Variants in PER1 observed in about 807,000 individuals in gnomAD.
The protein encoded by PER1 is period circadian protein homolog 1.
PER1 carries 87 observed loss-of-function variants against 125.9 expected under a neutral mutation model. The observed-to-expected ratio is 0.69, with a 90% confidence interval of 0.58 to 0.83. The LOEUF (loss-of-function observed/expected upper bound fraction) is 0.83. Ranked by LOEUF, PER1 falls within the 40% of genes least tolerant of loss-of-function variation. PER1 has a pLI of 0.00. For missense variants in PER1, 1,775 were observed against 1,722.8 expected (o/e 1.03, Z -0.54); for synonymous variants, 801 against 714.7 (o/e 1.12, Z -1.93).
intron 16 of PER1, 22 bp from the exon 17 acceptor site, chr17:8,146,159 G>A (rs1011453878): frequency 1.3e-6 from 2 of 1,569,576 alleles, no homozygotes; most frequent in South Asian, 1.2e-5. Context: ...GATGGTGCCA[G>A]TTACCATCCC....
At chr17:8,142,980 G>T in intron 19 of PER1, 145 bp from the exon 20 acceptor site, 1 of 670,484 alleles carries the variant, frequency 1.5e-6, no homozygotes, top group Non-Finnish European at 2.5e-6. Context: ...CAGGCTGAGA[G>T]AGAAGAAAGC....
intron 18 of PER1, 192 bp from the exon 19 acceptor site, chr17:8,144,068 G>A (rs760390929): frequency 1.1e-4 from 93 of 846,272 alleles, no homozygotes; most frequent in Non-Finnish European, 1.4e-4. Context: ...AGGGACAAGG[G>A]GATTTATTGA....
chr17:8,150,762 C>T lies in PER1; in HGVS notation c.-56G>A, dbSNP rs1982812008. The T allele has an allele frequency of 4.8e-6, 7 of 1,465,750 alleles. No homozygotes were observed. The highest frequency in any genetic ancestry group is 1.4e-5 in the African/African-American group (1 of 70,670). 90.8% of individuals were successfully genotyped at this position (1,465,750 alleles called of 1,614,324 possible). ...AGGCAGAGAGGCCACCACGGATGCA[C>T]GAGGGGGCCTGGAGGCTTGGCTGAG... is the stretch of plus-strand genomic sequence containing the variant. On this transcript the variant is annotated 5_prime_UTR_variant, in exon 2 of 23. In the 5' UTR this introduces an upstream ATG that the reference lacks. Transcript: ENST00000317276.
Position 8,141,874 on chromosome 17 carries a change from C to T in PER1, c.3531G>A (p.Gln1177=). The T allele has an allele frequency of 6.2e-7, 1 of 1,614,196 alleles. No homozygotes were observed. ...QKQQPRFSED[Q]RRELGAVHSW... ...AGTGCACAGCACCCAGTTCCCGCCG[C>T]TGGTCCTCAGAAAACCGAGGCTGCT... is the stretch of plus-strand genomic sequence containing the variant. Residue 1177 remains glutamine, a synonymous_variant, in exon 22 of 23, where the codon CAG becomes CAA. Coordinates refer to ENST00000317276, the MANE Select transcript of PER1 (RefSeq NM_002616.3).
chr17:8,150,210 C>G lies in PER1; in HGVS notation c.374+9G>C. On this transcript the variant is annotated intron_variant, in intron 3 of 22. Coordinates refer to ENST00000317276, the MANE Select transcript of PER1 (RefSeq NM_002616.3). ...CCCCAGACCTCTCCTCCAGCCTCACCCGACGTACCTGCAGCCACTGGTGGA... is the reference window on the plus strand; with the variant it reads ...CCCCAGACCTCTCCTCCAGCCTCACGCGACGTACCTGCAGCCACTGGTGGA... 6.3e-7 allele frequency: 1 copy of G among 1,589,146 alleles called. No individual in the cohort carries two copies.
Position 8,150,711 on chromosome 17 carries a change from G to C in PER1, c.-5C>G. On this transcript the variant is annotated 5_prime_UTR_variant, in exon 2 of 23. Coordinates refer to ENST00000317276, the MANE Select transcript of PER1 (RefSeq NM_002616.3). Reference sequence around the variant, plus strand: ...CCCTTCTAGGGGGCCACTCATGTCTGGGCCATGGGGAGAACAGAACAGAGA... The same window carrying C: ...CCCTTCTAGGGGGCCACTCATGTCTCGGCCATGGGGAGAACAGAACAGAGA... The C allele has an allele frequency of 6.5e-7, 1 of 1,537,800 alleles. No homozygotes were observed.
At chr17:8,151,972 G>A (rs1356383343) in intron 1 of PER1, among the ~76,000 whole-genome samples, 1 of 152,208 alleles carries the variant, frequency 6.6e-6, no homozygotes, top group Non-Finnish European at 1.5e-5. Flanking sequence ...GCCAGGGACT[G>A]GAGAACAGAG....
At position 8,142,779 on chromosome 17, in the gene PER1, G is replaced by A. The variant is rs775157439; in HGVS notation, c.3129C>T (p.Leu1043=). ...QDALSGSSDL[L]ELLLQEDSRS... is the part of the protein sequence containing the mutation. Reference sequence around the variant, plus strand: ...GCGAGTCCTCTTGCAGCAGAAGTTCGAGCAGGTCACTGGAGCCGGAAAGTG... The same window carrying A: ...GCGAGTCCTCTTGCAGCAGAAGTTCAAGCAGGTCACTGGAGCCGGAAAGTG... The change falls in exon 20 of 23, where the codon CTC becomes CTT. Residue 1043 remains leucine, a synonymous_variant. Coordinates refer to ENST00000317276, the MANE Select transcript of PER1 (RefSeq NM_002616.3). 12 of 1,613,346 alleles carry A rather than the reference G, an allele frequency of 7.4e-6. No individual in the cohort carries two copies. The highest frequency in any genetic ancestry group is 1.3e-5 in the African/African-American group (1 of 75,046).
intron 17 of PER1, among the ~76,000 whole-genome samples, 153 bp downstream of exon 17, chr17:8,145,805 G>A (rs533725352): frequency 1.3e-5 from 2 of 152,278 alleles, no homozygotes. Flanking sequence ...GCCTGGCAGG[G>A]AGGGGAGAGC....
At chr17:8,148,361 G>A in intron 8 of PER1, 102 bp from the exon 9 acceptor site, 1 of 1,011,422 alleles carries the variant, frequency 9.9e-7, no homozygotes, top group Non-Finnish European at 1.5e-6. Context: ...CTGCCACACA[G>A]CTCTGCCCCG....
At position 8,149,506 on chromosome 17, in the gene PER1, G is replaced by A; in HGVS notation, c.809C>T (p.Thr270Ile). 3 of 1,613,862 alleles carry A rather than the reference G, an allele frequency of 1.9e-6. No homozygotes were observed. The highest frequency in any genetic ancestry group is 2.5e-6 in the Non-Finnish European group (3 of 1,179,982). Reference protein sequence around the residue: ...PQDVGVFYGSTAPSRLPTWGT... With the variant: ...PQDVGVFYGSIAPSRLPTWGT... The stretch of plus-strand genomic sequence containing the variant: ...CCAGGTGGGCAGGCGAGATGGAGCA[G>A]TGGAACCATAGAAGACTCCCACATC... The change falls in exon 6 of 23, where the codon ACT (threonine) becomes ATT (isoleucine). Residue 270 changes from threonine (T) to isoleucine (I), a missense_variant. Thr to Ile is a moderately conservative substitution (Grantham distance 89). Transcript: ENST00000317276.
chr17:8,145,324 C>CTTTTTTTTTTTTTTTTTTT (rs398030276), intron 17 of PER1, among the ~76,000 whole-genome samples: 1 of 125,518 alleles, frequency 8.0e-6, no homozygotes, highest in Non-Finnish European at 1.6e-5. Context: ...TTTCTTGTTT[C>CTTTTTTTTTTTTTTTTTTT]TTTTTTTTTT....
chr17:8,143,880 T>C lies in PER1; in HGVS notation c.2462-4A>G. ...GGTGCGGGGCCGTGGTGGCAGCCTG[T>C]GGGGAGAGACTAGGGTTAGCAAGGA... On this transcript the variant is annotated splice_polypyrimidine_tract_variant and splice_region_variant and intron_variant, in intron 18 of 22. Coordinates refer to ENST00000317276, the MANE Select transcript of PER1 (RefSeq NM_002616.3). 6.2e-7 allele frequency: 1 copy of C among 1,604,662 alleles called. No homozygotes were observed. The highest frequency in any genetic ancestry group is 1.1e-5 in the South Asian group (1 of 90,428).
rs977637639 is a variant in PER1, at chr17:8,150,512, T to A, written c.195A>T (p.Ala65=). 6.2e-7 allele frequency: 1 copy of A among 1,614,018 alleles called. No individual in the cohort carries two copies. Among genetic ancestry groups the A allele is most frequent in the Non-Finnish European group, 8.5e-7 (1 of 1,180,002 alleles). Residue 65 remains alanine (A), a synonymous_variant, in exon 2 of 23, where the codon GCA becomes GCT. Transcript: ENST00000317276. The stretch of plus-strand genomic sequence containing the variant: ...AGGAGCTGTGTGAGCTCCGCTGAGA[T>A]GCGCCTCTAGACTCATGCCCGTTGG... ...NESNGHESRG[A]SQRSSHSSSS...
chr17:8,145,984 A>G lies in PER1; in HGVS notation c.2192T>C (p.Val731Ala). The G allele has an allele frequency of 6.2e-7, 1 of 1,611,358 alleles. No homozygotes were observed. The highest frequency in any genetic ancestry group is 8.5e-7 in the Non-Finnish European group (1 of 1,178,516). ...QCSFSSTIVH[V>A]GDKKPPESDI... Reference sequence around the variant, plus strand: ...CGACTCCGGGGGCTTCTTGTCTCCCACATGGACGATGGTGGAGCTGAAGCT... The same window carrying G: ...CGACTCCGGGGGCTTCTTGTCTCCCGCATGGACGATGGTGGAGCTGAAGCT... The change falls in exon 17 of 23, where the codon GTG (valine) becomes GCG (alanine). Residue 731 changes from valine (V) to alanine (A), a missense_variant. Val to Ala is a moderately conservative substitution (Grantham distance 64, BLOSUM62 0). Coordinates refer to ENST00000317276, the MANE Select transcript of PER1 (RefSeq NM_002616.3).
At position 8,146,905 on chromosome 17, in the gene PER1, C is replaced by CGGGGCCGGGACT. The variant is rs772808186; in HGVS notation, c.1715_1726dup (p.Gln572_Pro575dup). 3 of 1,613,364 alleles carry CGGGGCCGGGACT rather than the reference C, an allele frequency of 1.9e-6. No individual in the cohort carries two copies. The African/African-American group carries it at 4.0e-5, about 22-fold the overall frequency. ...CATCATCATCAACTCACCAGGGAGG[C>CGGGGCCGGGACT]GGGGCCGGGACTGAGGCCGGGCCCG... On this transcript the variant is annotated inframe_insertion, in exon 14 of 23. Transcript: ENST00000317276.
chr17:8,142,620 C>T (rs1982152099), intron 20 of PER1, 29 bp downstream of exon 20: 1 of 1,611,608 alleles, frequency 6.2e-7, no homozygotes, highest in Non-Finnish European at 8.5e-7. Context: ...CTGCCCTACC[C>T]TGGGAGATGC....
Position 8,142,698 on chromosome 17 carries a change from CCCAGAGCCCAAG to C in PER1, c.3198_3209del (p.Leu1067_Gly1070del), listed in dbSNP as rs761434391. The C allele has an allele frequency of 7.4e-6, 12 of 1,613,910 alleles. No homozygotes were observed. The highest frequency in any genetic ancestry group is 2.7e-5 in the African/African-American group (2 of 74,936). ...CCCCTTCATGGGAGCCTGAACCAGA[CCCAGAGCCCAAG>C]CCAGAGCCCAAGGAGCCCGAGGCTG... is the stretch of plus-strand genomic sequence containing the variant. On this transcript the variant is annotated inframe_deletion, in exon 20 of 23. Transcript: ENST00000317276.
chr17:8,149,737 G>C lies in PER1; in HGVS notation c.651+18C>G. On this transcript the variant is annotated intron_variant, in intron 5 of 22. Transcript: ENST00000317276. The stretch of plus-strand genomic sequence containing the variant: ...GAGTAGGGGTGCGTCGGGATGCAGA[G>C]GCCAGGCCGCCGCTGACCTGGTTCT... The C allele has an allele frequency of 1.9e-6, 3 of 1,612,738 alleles. No homozygotes were observed. Among genetic ancestry groups the C allele is most frequent in the Non-Finnish European group, 2.5e-6 (3 of 1,179,964 alleles).
Sources: allele counts gnomAD v4.1 joint callset (sites outside exome capture counted in the v4.1 genomes callset), GRCh38; gene constraint gnomAD v4.1.1; transcripts MANE v1.5; gene names NCBI Gene and HGNC (gene_info 2026-07-23, HGNC 2026-07-21).